The following FBXW4 variants were observed in gnomAD, a reference collection of about 807,000 sequenced individuals.
FBXW4 encodes the protein F-box/WD repeat-containing protein 4.
In FBXW4, 40 loss-of-function variants were observed where a neutral mutation model predicts 61.8. The ratio of observed to expected loss-of-function variants is 0.65; its 90% confidence interval spans 0.50 to 0.84. The LOEUF is 0.84. Ranked by LOEUF, FBXW4 falls within the 40% of genes least tolerant of loss-of-function variation. FBXW4 has a pLI of 0.00. For missense variants in FBXW4, 672 were observed against 753.8 expected (o/e 0.89, Z 1.27); for synonymous variants, 311 against 313.8 (o/e 0.99, Z 0.10).
At chr10:101,666,006 G>C (rs892640706) in intron 5 of FBXW4, among the ~76,000 whole-genome samples, 11 of 152,170 alleles carry the variant, frequency 7.2e-5, no homozygotes. Flanking sequence ...AAAGTCACCA[G>C]CACACTTGTC....
At chr10:101,668,790 C>A (rs965090520) in intron 4 of FBXW4, among the ~76,000 whole-genome samples, 1 of 152,262 alleles carries the variant, frequency 6.6e-6, no homozygotes, top group East Asian at 1.9e-4. Context: ...GGGCTCCCCC[C>A]TCACTTCACC....
intron 6 of FBXW4, among the ~76,000 whole-genome samples, chr10:101,620,522 G>A (rs2063859499): frequency 1.3e-5 from 2 of 152,358 alleles, no homozygotes; most frequent in African/African-American, 4.8e-5. Flanking sequence ...GCACTGCCAA[G>A]TGGTGCCCAG....
At chr10:101,679,670 CT>C (rs2064451509) in intron 1 of FBXW4, among the ~76,000 whole-genome samples, 1 of 152,148 alleles carries the variant, frequency 6.6e-6, no homozygotes, top group South Asian at 2.1e-4. Context: ...GGATAGTCAA[CT>C]TTGGGTGTTT....
intron 6 of FBXW4, among the ~76,000 whole-genome samples, chr10:101,619,977 G>A (rs1440481393): frequency 6.6e-6 from 1 of 152,188 alleles, no homozygotes; most frequent in Non-Finnish European, 1.5e-5. Context: ...GGTGCCCAGT[G>A]GGTGGCTACA....
chr10:101,612,405 G>GGACT lies in FBXW4; in HGVS notation c.1370_1373dup (p.Pro459ValfsTer11). The GGACT allele has an allele frequency of 6.2e-7, 1 of 1,600,030 alleles. No individual in the cohort carries two copies. The highest frequency in any genetic ancestry group is 1.2e-5 in the South Asian group (1 of 86,924). ...AGCCACAGGACAGCAGTGTGAAAGGGGACTCATACATGACATCCAGCACCC... is the reference window on the plus strand; with the variant it reads ...AGCCACAGGACAGCAGTGTGAAAGGGGACTGACTCATACATGACATCCAGCACCC... On this transcript the variant is annotated frameshift_variant, in exon 7 of 9. Transcript: ENST00000331272. LOFTEE classifies it high-confidence loss of function.
At chr10:101,657,432 G>A (rs2064196410) in intron 5 of FBXW4, among the ~76,000 whole-genome samples, 1 of 151,996 alleles carries the variant, frequency 6.6e-6, no homozygotes, top group Non-Finnish European at 1.5e-5. Flanking sequence ...TCAGGAGTTC[G>A]AAACCAGCCT....
At chr10:101,685,682 G>C (rs1225494121) in intron 1 of FBXW4, among the ~76,000 whole-genome samples, 1 of 151,880 alleles carries the variant, frequency 6.6e-6, no homozygotes, top group Non-Finnish European at 1.5e-5. Context: ...TCAATTTTCT[G>C]AAACTTGCTT....
At chr10:101,633,932 C>G (rs540889683) in intron 5 of FBXW4, among the ~76,000 whole-genome samples, 6 of 151,774 alleles carry the variant, frequency 4.0e-5, no homozygotes, top group African/African-American at 1.5e-4. Flanking sequence ...ATGGTGAAAC[C>G]CTGTCTCTAC....
At chr10:101,675,576 G>A (rs1285130260) in intron 2 of FBXW4, among the ~76,000 whole-genome samples, 1 of 152,180 alleles carries the variant, frequency 6.6e-6, no homozygotes, top group Non-Finnish European at 1.5e-5. Context: ...AGTGAAACCA[G>A]TGCAAACTGG....
chr10:101,659,351 G>A (rs892499540), intron 5 of FBXW4: 2 of 981,592 alleles, frequency 2.0e-6, no homozygotes, highest in Non-Finnish European at 2.4e-6. Context: ...TGGCTTAGTG[G>A]AGGAAGGAGG....
intron 5 of FBXW4, among the ~76,000 whole-genome samples, chr10:101,631,101 C>T (rs1470354693): frequency 6.6e-6 from 1 of 152,170 alleles, no homozygotes; most frequent in Non-Finnish European, 1.5e-5. Context: ...AACAAGATGC[C>T]TAGCTAAAGC....
chr10:101,621,876 T>A (rs554125153), intron 6 of FBXW4, among the ~76,000 whole-genome samples: 44 of 152,196 alleles, frequency 2.9e-4, no homozygotes, highest in African/African-American at 1.1e-3. Context: ...TTTCAGATAT[T>A]TAAAAGTCTG....
chr10:101,648,689 C>T (rs1407228817), intron 5 of FBXW4, among the ~76,000 whole-genome samples: 1 of 152,202 alleles, frequency 6.6e-6, no homozygotes, highest in East Asian at 1.9e-4. Flanking sequence ...GGAGAAGATC[C>T]TGTGTATGCT....
chr10:101,670,409 T>C (rs1243535115), intron 4 of FBXW4, among the ~76,000 whole-genome samples: 1 of 152,236 alleles, frequency 6.6e-6, no homozygotes, highest in Admixed American at 6.5e-5. Flanking sequence ...GTATAAGGCA[T>C]CTAGCACAGC....
At chr10:101,670,046 C>T (rs551626571) in intron 4 of FBXW4, among the ~76,000 whole-genome samples, 19 of 152,180 alleles carry the variant, frequency 1.2e-4, no homozygotes, top group Admixed American at 9.2e-4. Flanking sequence ...TGAGCCACCG[C>T]GCCCGGCCGG....
At chr10:101,622,801 G>C (rs1355638858) in intron 6 of FBXW4, 1 of 148,194 alleles carries the variant, frequency 6.7e-6, no homozygotes, top group African/African-American at 2.5e-5. Context: ...ATTTGACAAA[G>C]GACTAATATC....
At chr10:101,675,170 T>C (rs879139341) in intron 2 of FBXW4, among the ~76,000 whole-genome samples, 2 of 152,238 alleles carry the variant, frequency 1.3e-5, no homozygotes, top group African/African-American at 2.4e-5. Flanking sequence ...GTGCATATAT[T>C]ACATGGAACA....
chr10:101,613,293 C>G (rs1481895758), intron 6 of FBXW4: 2 of 152,336 alleles, frequency 1.3e-5, no homozygotes, highest in Non-Finnish European at 2.9e-5. Flanking sequence ...CCTCCTGTCC[C>G]TAGCAACTAC....
intron 6 of FBXW4, among the ~76,000 whole-genome samples, chr10:101,620,119 C>G (rs1007022924): frequency 2.0e-5 from 3 of 151,900 alleles, no homozygotes; most frequent in Non-Finnish European, 2.9e-5. Flanking sequence ...AGGCGCTCCT[C>G]AAGTTGCAGC....
Sources: gnomAD v4.1 joint callset for allele counts (sites outside exome capture counted in the v4.1 genomes callset) on GRCh38, gnomAD v4.1.1 for gene constraint, MANE v1.5 for transcripts, NCBI Gene and HGNC (gene_info 2026-07-23, HGNC 2026-07-21) for gene names.